NKAIN3: variants seen among roughly 807,000 people sequenced by gnomAD.
NKAIN3 encodes sodium/potassium-transporting ATPase subunit beta-1-interacting protein 3.
A neutral mutation model predicts 30.2 loss-of-function variants in NKAIN3; 25 were observed. The observed-to-expected ratio is 0.83, with a 90% CI of 0.60 to 1.16. The LOEUF is 1.16. NKAIN3 is among the 50% of genes most tolerant of loss of function. The pLI is 0.00. For synonymous variants in NKAIN3, 91 were observed against 89.6 expected (o/e 1.02, Z -0.09); for missense variants, 225 against 254.1 (o/e 0.89, Z 0.78).
rs1408127803 is a variant in NKAIN3, at chr8:62,977,486, A to G, written c.*12079A>G. ...ATCCTTTCTTCTGCTTGATCGATTC[A>G]GCTATTGATACTTGTGTATGCTTCA... On this transcript the variant is annotated 3_prime_UTR_variant, in exon 7 of 7. Coordinates refer to ENST00000623646, the MANE Select transcript of NKAIN3 (RefSeq NM_001304533.3). 6.6e-6 allele frequency among the ~76,000 whole-genome samples: 1 copy of G among 151,368 alleles called. No individual in the cohort carries two copies. The highest frequency in any genetic ancestry group is 2.4e-5 in the African/African-American group (1 of 41,128).
At chr8:62,902,513 T>C (rs529700743) in intron 4 of NKAIN3, among the ~76,000 whole-genome samples, 2 of 152,224 alleles carry the variant, frequency 1.3e-5, no homozygotes, top group South Asian at 4.1e-4. Context: ...ACCTAGATAA[T>C]TTATAAGTCC....
At chr8:62,692,812 T>C (rs190752470) in intron 3 of NKAIN3, among the ~76,000 whole-genome samples, 12 of 152,376 alleles carry the variant, frequency 7.9e-5, no homozygotes, top group Admixed American at 5.2e-4. Flanking sequence ...TTTTCACTAA[T>C]GTCATTTGAT....
intron 1 of NKAIN3, among the ~76,000 whole-genome samples, chr8:62,500,467 A>AAGAAAGAAAGAAAG (rs1554540120): frequency 9.8e-5 from 14 of 142,338 alleles, no homozygotes; most frequent in Non-Finnish European, 1.6e-4. Flanking sequence ...GAAAGAAAGA[A>AAGAAAGAAAGAAAG]AGAAAGAAAG....
At chr8:62,309,868 A>C (rs1204445530) in intron 1 of NKAIN3, among the ~76,000 whole-genome samples, 1 of 150,470 alleles carries the variant, frequency 6.6e-6, no homozygotes, top group Non-Finnish European at 1.5e-5. Context: ...TGTAAGCAAC[A>C]TACCCTGAAA....
intron 3 of NKAIN3, among the ~76,000 whole-genome samples, chr8:62,640,705 G>A (rs866652940): frequency 7.2e-5 from 11 of 152,034 alleles, no homozygotes; most frequent in East Asian, 3.9e-4. Flanking sequence ...TGGCAAACAC[G>A]TCTGGCTTAG....
intron 1 of NKAIN3, among the ~76,000 whole-genome samples, chr8:62,571,769 G>A (rs188174360): frequency 1.2e-4 from 18 of 152,254 alleles, no homozygotes; most frequent in Admixed American, 3.3e-4. Flanking sequence ...CTTGGGGCTT[G>A]CACCCTCTAA....
At chr8:62,835,485 A>G (rs551012240) in intron 4 of NKAIN3, among the ~76,000 whole-genome samples, 1 of 152,250 alleles carries the variant, frequency 6.6e-6, no homozygotes, top group South Asian at 2.1e-4. Context: ...GCAAAAAGCA[A>G]TTCAACAAGC....
In NKAIN3 at chr8:62,983,997, A is replaced by G. The variant is rs1412640094; in HGVS notation, c.*18590A>G. On this transcript the variant is annotated 3_prime_UTR_variant, in exon 7 of 7. Coordinates refer to ENST00000623646, the MANE Select transcript of NKAIN3 (RefSeq NM_001304533.3). ...AACTAAAGGAACTCAGTAAAAGATCAAAAGCAATGCTCAAAGGGAGTGCCT... is the reference window on the plus strand; with the variant it reads ...AACTAAAGGAACTCAGTAAAAGATCGAAAGCAATGCTCAAAGGGAGTGCCT... 1 of 152,240 alleles carries G rather than the reference A, an allele frequency of 6.6e-6. No individual in the cohort carries two copies. Among genetic ancestry groups the G allele is most frequent in the East Asian group, 1.9e-4 (1 of 5,196 alleles). 9.4% of individuals were successfully genotyped at this position (152,240 alleles called of 1,614,324 possible). A position where few individuals can be genotyped will look rare whatever the true frequency, so the allele number is the denominator to read the frequency against.
intron 4 of NKAIN3, among the ~76,000 whole-genome samples, chr8:62,839,493 T>C (rs1019393825): frequency 6.6e-6 from 1 of 152,176 alleles, no homozygotes; most frequent in African/African-American, 2.4e-5. Flanking sequence ...GAAGTAAATC[T>C]GTTGTAGAGA....
intron 1 of NKAIN3, among the ~76,000 whole-genome samples, chr8:62,382,615 T>C (rs1308007244): frequency 2.6e-5 from 4 of 152,096 alleles, no homozygotes; most frequent in African/African-American, 4.8e-5. Flanking sequence ...GTAAAAGCAA[T>C]ATTTAATTAT....
intron 3 of NKAIN3, among the ~76,000 whole-genome samples, chr8:62,703,532 G>C (rs946097947): frequency 2.6e-5 from 4 of 151,944 alleles, no homozygotes; most frequent in Non-Finnish European, 5.9e-5. Context: ...GAAATTAATT[G>C]CCAGTTTCAT....
At position 62,725,738 on chromosome 8, in the gene NKAIN3, T is replaced by C. The variant is rs111690986; in HGVS notation, c.274-21194T>C. ...GTCTGCCTATACCACTCTGTTTTGG[T>C]TACCATGGCTCTGCAGTATAATTTT... On this transcript the variant is annotated intron_variant, in intron 3 of 6. Coordinates refer to ENST00000623646, the MANE Select transcript of NKAIN3 (RefSeq NM_001304533.3). Among the ~76,000 whole-genome samples the C allele has an allele frequency of 2.9e-3, 444 of 152,244 alleles. 2 individuals are homozygous for C. The highest frequency in any genetic ancestry group is 0.01 in the African/African-American group (422 of 41,578).
intron 1 of NKAIN3, among the ~76,000 whole-genome samples, chr8:62,438,888 A>G (rs1251704878): frequency 6.6e-6 from 1 of 152,084 alleles, no homozygotes; most frequent in Admixed American, 6.5e-5. Context: ...TAAAATGCCA[A>G]TGTTCATTCT....
intron 1 of NKAIN3, among the ~76,000 whole-genome samples, chr8:62,501,678 C>G (rs1001356748): frequency 7.2e-5 from 11 of 152,154 alleles, no homozygotes; most frequent in Non-Finnish European, 1.5e-4. Flanking sequence ...GCAATCTTCA[C>G]AATTATTCTT....
intron 1 of NKAIN3, among the ~76,000 whole-genome samples, chr8:62,484,445 G>A (rs765785028): frequency 2.0e-5 from 3 of 152,170 alleles, no homozygotes; most frequent in East Asian, 1.9e-4. Flanking sequence ...TTTCTGCTCC[G>A]TGGGGTTTGG....
intron 1 of NKAIN3, among the ~76,000 whole-genome samples, chr8:62,454,634 A>G (rs562302083): frequency 2.0e-5 from 3 of 152,334 alleles, no homozygotes; most frequent in African/African-American, 4.8e-5. Flanking sequence ...TAGAATCATG[A>G]GTAACATAGC....
At chr8:62,335,212 A>T (rs916183638) in intron 1 of NKAIN3, among the ~76,000 whole-genome samples, 5 of 152,028 alleles carry the variant, frequency 3.3e-5, no homozygotes, top group African/African-American at 1.2e-4. Context: ...AGGCAGATGG[A>T]TCACTTGAGG....
intron 1 of NKAIN3, among the ~76,000 whole-genome samples, chr8:62,509,625 C>T (rs1807758792): frequency 6.6e-6 from 1 of 152,088 alleles, no homozygotes; most frequent in Non-Finnish European, 1.5e-5. Flanking sequence ...GACACGGGCC[C>T]ACAATTCCAG....
At chr8:62,369,512 G>T (rs769565401) in intron 1 of NKAIN3, among the ~76,000 whole-genome samples, 1 of 151,964 alleles carries the variant, frequency 6.6e-6, no homozygotes, top group Non-Finnish European at 1.5e-5. Flanking sequence ...TCTAAATGGT[G>T]GACATGGAAT....
Sources: gnomAD v4.1 joint callset for allele counts (sites outside exome capture counted in the v4.1 genomes callset) on GRCh38, gnomAD v4.1.1 for gene constraint, MANE v1.5 for transcripts, NCBI Gene and HGNC (gene_info 2026-07-23, HGNC 2026-07-21) for gene names.